Variants in ERC2 observed in about 807,000 individuals in gnomAD.
The protein encoded by ERC2 is ELKS/RAB6-interacting/CAST family member 2, also known as ERC protein 2.
Under a neutral mutation model 114.8 loss-of-function variants are expected in ERC2, and 42 were observed. That is an observed-to-expected ratio of 0.37 (90% CI 0.29 to 0.47). The LOEUF is 0.47. ERC2 is among the 20% of genes least tolerant of loss of function. ERC2 has a pLI of 0.99. For missense variants in ERC2, 939 were observed against 1,150.7 expected, an observed-to-expected ratio of 0.82 and a Z score of 2.66; for synonymous variants, 454 against 425.5, an observed-to-expected ratio of 1.07 and a Z score of -0.82.
At chr3:56,027,915 T>G (rs972291663) in intron 7 of ERC2, among the ~76,000 whole-genome samples, 2 of 152,220 alleles carry the variant, frequency 1.3e-5, no homozygotes, top group Non-Finnish European at 2.9e-5. Context: ...TCTAACAAAT[T>G]TATACTTTCA....
intron 17 of ERC2, among the ~76,000 whole-genome samples, chr3:55,673,306 C>T (rs548304744): frequency 2.0e-4 from 31 of 152,270 alleles, no homozygotes; most frequent in Middle Eastern, 3.4e-3. Flanking sequence ...GAGCAGAGGC[C>T]GGGCACGGTG....
intron 17 of ERC2, among the ~76,000 whole-genome samples, chr3:55,513,397 C>T (rs759569180): frequency 4.6e-5 from 7 of 152,164 alleles, no homozygotes; most frequent in Non-Finnish European, 8.8e-5. Flanking sequence ...TATTTTCTCC[C>T]CCTCTCACAA....
intron 17 of ERC2, among the ~76,000 whole-genome samples, chr3:55,560,101 C>G (rs1185589044): frequency 6.6e-6 from 1 of 152,108 alleles, no homozygotes; most frequent in Admixed American, 6.5e-5. Context: ...CTCAGCAGCC[C>G]CTTGCTTCTT....
chr3:55,620,477 G>C (rs2059280919), intron 17 of ERC2, among the ~76,000 whole-genome samples: 1 of 152,162 alleles, frequency 6.6e-6, no homozygotes, highest in African/African-American at 2.4e-5. Context: ...GCACGGACTT[G>C]CTTTTCACAA....
At chr3:55,535,771 A>T (rs1253057122) in intron 17 of ERC2, among the ~76,000 whole-genome samples, 1 of 152,218 alleles carries the variant, frequency 6.6e-6, no homozygotes, top group East Asian at 1.9e-4. Flanking sequence ...AGGTGGGCGG[A>T]TCACCTGAAG....
rs58512381 is a variant in ERC2 at position 55,954,081 on chromosome 3, T to TAAAAAAA, written c.2268-3528_2268-3522dup. Among the ~76,000 whole-genome samples the TAAAAAAA allele has an allele frequency of 4.8e-4, 24 of 50,360 alleles. 1 individual carries two copies. Among genetic ancestry groups the TAAAAAAA allele is most frequent in the African/African-American group, 1.9e-3 (22 of 11,716 alleles). 33.0% of individuals were successfully genotyped at this position (50,360 alleles called of 152,430 possible). ...CAAGAGACTGACTTGCTCCATTATT[T>TAAAAAAA]AAAAAAAAAAAAAAAAAAAAAAAAA... On this transcript the variant is annotated intron_variant, in intron 12 of 17. Transcript: ENST00000288221.
chr3:56,084,095 A>T (rs113811293), intron 6 of ERC2, among the ~76,000 whole-genome samples: 57 of 152,318 alleles, frequency 3.7e-4, no homozygotes, highest in Non-Finnish European at 6.6e-4. Flanking sequence ...ACAAATACCC[A>T]AAAAACATAT....
intron 2 of ERC2, among the ~76,000 whole-genome samples, chr3:56,398,596 T>C (rs552292491): frequency 7.2e-5 from 11 of 151,994 alleles, no homozygotes; most frequent in South Asian, 4.1e-4. Flanking sequence ...TATACATATA[T>C]ATACATATAT....
chr3:55,860,623 G>A (rs1418798155), intron 14 of ERC2, among the ~76,000 whole-genome samples: 2 of 152,088 alleles, frequency 1.3e-5, no homozygotes, highest in Non-Finnish European at 2.9e-5. Context: ...TGTCAACGAC[G>A]CACTTTATTT....
intron 2 of ERC2, among the ~76,000 whole-genome samples, chr3:56,338,041 T>G (rs538859893): frequency 2.0e-5 from 3 of 152,172 alleles, no homozygotes; most frequent in Admixed American, 6.5e-5. Flanking sequence ...TACATTTGTA[T>G]AAAGTTGAAA....
chr3:55,692,266 TG>T (rs760152484), intron 16 of ERC2, among the ~76,000 whole-genome samples: 4 of 152,284 alleles, frequency 2.6e-5, no homozygotes, highest in African/African-American at 7.2e-5. Flanking sequence ...GGCCTCAAGC[TG>T]GTGCCCCAGG....
At chr3:55,909,658 G>A (rs1056441423) in intron 13 of ERC2, among the ~76,000 whole-genome samples, 6 of 152,004 alleles carry the variant, frequency 3.9e-5, no homozygotes, top group South Asian at 2.1e-4. Context: ...TCTTTGGCAC[G>A]GACCCTGAGC....
chr3:55,533,427 C>T (rs1156947221), intron 17 of ERC2, among the ~76,000 whole-genome samples: 2 of 152,358 alleles, frequency 1.3e-5, no homozygotes, highest in South Asian at 2.1e-4. Flanking sequence ...TTGCTGCATG[C>T]CCTGTACCAG....
At chr3:55,986,501 T>C (rs2149515001) in intron 11 of ERC2, among the ~76,000 whole-genome samples, 1 of 152,304 alleles carries the variant, frequency 6.6e-6, no homozygotes, top group East Asian at 1.9e-4. Context: ...CAAAAGGAGC[T>C]GAGCAATTTG....
At chr3:56,256,114 A>C (rs1167078677) in intron 3 of ERC2, among the ~76,000 whole-genome samples, 6 of 152,210 alleles carry the variant, frequency 3.9e-5, no homozygotes, top group African/African-American at 1.4e-4. Context: ...AGACTACTGT[A>C]ATTTTTTAAA....
chr3:55,642,273 C>T lies in ERC2; in HGVS notation c.*39+41521G>A, dbSNP rs139788417. 2.6e-3 allele frequency among the ~76,000 whole-genome samples: 402 copies of T among 152,072 alleles called. 2 individuals carry two copies. The highest frequency in any genetic ancestry group is 9.6e-3 in the African/African-American group (396 of 41,454). ...GCTAAGTTCAGTCTCTCTGCACATTCGCCCAGATTTTCTCTCTGGCTCCTA... is the reference window on the plus strand; with the variant it reads ...GCTAAGTTCAGTCTCTCTGCACATTTGCCCAGATTTTCTCTCTGGCTCCTA... On this transcript the variant is annotated intron_variant, in intron 17 of 17. Coordinates refer to ENST00000288221, the MANE Select transcript of ERC2 (RefSeq NM_015576.3).
At chr3:56,226,346 C>A (rs1277390910) in intron 3 of ERC2, among the ~76,000 whole-genome samples, 10 of 152,112 alleles carry the variant, frequency 6.6e-5, no homozygotes, top group Non-Finnish European at 1.5e-4. Context: ...CCTAGTGGTG[C>A]TAGAAATATA....
intron 10 of ERC2, among the ~76,000 whole-genome samples, chr3:55,995,276 T>A (rs1267585442): frequency 6.6e-6 from 1 of 152,172 alleles, no homozygotes; most frequent in Non-Finnish European, 1.5e-5. Context: ...GAGGTTTCAG[T>A]GAGCCAAGAT....
intron 3 of ERC2, among the ~76,000 whole-genome samples, chr3:56,214,231 G>C (rs2049288521): frequency 2.6e-5 from 4 of 152,196 alleles, no homozygotes; most frequent in Admixed American, 1.3e-4. Context: ...TGGCAAAGAA[G>C]TTAAAAACCT....
Sources: gnomAD v4.1 joint callset for allele counts (sites outside exome capture counted in the v4.1 genomes callset) on GRCh38, gnomAD v4.1.1 for gene constraint, MANE v1.5 for transcripts, NCBI Gene and HGNC (gene_info 2026-07-23, HGNC 2026-07-21) for gene names.